The following EPB41L2 variants were observed in gnomAD, a reference collection of about 807,000 sequenced individuals.
EPB41L2 encodes the protein band 4.1-like protein 2.
A neutral mutation model predicts 113.0 loss-of-function variants in EPB41L2; 43 were observed. That is an observed-to-expected ratio of 0.38 (90% CI 0.30 to 0.49). The LOEUF is 0.49. Among genes scored for constraint, EPB41L2 ranks in the 20% least tolerant of loss-of-function variants. The pLI, the probability that EPB41L2 is intolerant of heterozygous loss-of-function variation, is 0.95. For missense variants in EPB41L2, 1,147 were observed against 1,223.4 expected (o/e 0.94, Z 0.93); for synonymous variants, 442 against 436.7 (o/e 1.01, Z -0.15).
intron 1 of EPB41L2, among the ~76,000 whole-genome samples, chr6:130,999,540 T>C (rs1783890208): frequency 6.6e-6 from 1 of 152,206 alleles, no homozygotes; most frequent in African/African-American, 2.4e-5. Context: ...CATGTCGTCT[T>C]TTAAGATTCC....
At chr6:130,955,784 T>C (rs984638957) in intron 2 of EPB41L2, among the ~76,000 whole-genome samples, 1 of 152,176 alleles carries the variant, frequency 6.6e-6, no homozygotes, top group Non-Finnish European at 1.5e-5. Context: ...ACATGAATTT[T>C]TTAGTAATTG....
intron 19 of EPB41L2, among the ~76,000 whole-genome samples, chr6:130,856,690 C>A (rs543004590): frequency 6.6e-6 from 1 of 152,194 alleles, no homozygotes; most frequent in Non-Finnish European, 1.5e-5. Flanking sequence ...GGTTACCTAT[C>A]TATTGACTGT....
At chr6:130,894,596 T>A (rs1794004256) in intron 9 of EPB41L2, among the ~76,000 whole-genome samples, 155 bp from the exon 10 acceptor site, 1 of 152,232 alleles carries the variant, frequency 6.6e-6, no homozygotes, top group African/African-American at 2.4e-5. Flanking sequence ...AAGATGAATT[T>A]CATAGACTGC....
At chr6:131,020,483 C>A (rs887897739) in intron 1 of EPB41L2, among the ~76,000 whole-genome samples, 1 of 152,196 alleles carries the variant, frequency 6.6e-6, no homozygotes. Flanking sequence ...TTTACATCCT[C>A]CTTGACCCAA....
At chr6:131,003,054 C>T (rs1358943571) in intron 1 of EPB41L2, among the ~76,000 whole-genome samples, 4 of 152,110 alleles carry the variant, frequency 2.6e-5, no homozygotes, top group Admixed American at 1.3e-4. Context: ...TTTCACTTTA[C>T]TAAATTTCCT....
intron 1 of EPB41L2, among the ~76,000 whole-genome samples, chr6:131,001,197 T>C (rs536134233): frequency 6.6e-6 from 1 of 152,168 alleles, no homozygotes; most frequent in African/African-American, 2.4e-5. Context: ...TGCTTCTCCA[T>C]GAAGCTCATA....
At chr6:131,034,681 T>C (rs1792936208) in intron 1 of EPB41L2, among the ~76,000 whole-genome samples, 1 of 152,224 alleles carries the variant, frequency 6.6e-6, no homozygotes, top group Non-Finnish European at 1.5e-5. Context: ...ATGTCACTTA[T>C]CCTCGCTTTC....
At chr6:130,929,902 C>CACACAAACAT in intron 3 of EPB41L2, among the ~76,000 whole-genome samples, 1 of 148,524 alleles carries the variant, frequency 6.7e-6, no homozygotes, top group African/African-American at 2.5e-5. Flanking sequence ...CACACATACA[C>CACACAAACAT]GCACAGTCAT....
rs73774102 is a variant in EPB41L2 at position 130,841,891 on chromosome 6, T to A, written c.*6-1293A>T. ...CACAGAGTCTTGCAGAAGTCCACAA[T>A]CAAAGGTAAGTGGAGAAGACTTTTT... On this transcript the variant is annotated intron_variant, in intron 19 of 19. Coordinates refer to ENST00000337057, the MANE Select transcript of EPB41L2 (RefSeq NM_001431.4). Among the ~76,000 whole-genome samples the A allele has an allele frequency of 4.1e-3, 625 of 152,258 alleles. 6 individuals are homozygous for A. The highest frequency in any genetic ancestry group is 0.014 in the African/African-American group (598 of 41,532).
intron 1 of EPB41L2, among the ~76,000 whole-genome samples, chr6:130,958,993 T>A (rs1818450593): frequency 6.6e-6 from 1 of 152,136 alleles, no homozygotes; most frequent in Non-Finnish European, 1.5e-5. Flanking sequence ...TGATCTCTGG[T>A]TGATCCAGAC....
At chr6:130,874,983 T>C (rs894907293) in intron 14 of EPB41L2, among the ~76,000 whole-genome samples, 7 of 152,306 alleles carry the variant, frequency 4.6e-5, no homozygotes, top group African/African-American at 1.7e-4. Context: ...GATATTAAAG[T>C]CCTCATTATA....
chr6:130,935,689 T>C (rs60039283), intron 3 of EPB41L2, among the ~76,000 whole-genome samples: 3,702 of 152,268 alleles, frequency 0.024, 143 homozygotes, highest in African/African-American at 0.084. Flanking sequence ...CCTTTTAATA[T>C]CTCATTCATA....
chr6:130,894,930 C>T (rs142003148), intron 9 of EPB41L2, 37 bp downstream of exon 9: 329 of 1,566,332 alleles, frequency 2.1e-4, no homozygotes, highest in Non-Finnish European at 2.2e-4. Context: ...GTAAACAGGC[C>T]GACTAACAAC....
Position 130,981,914 on chromosome 6 carries a change from T to G in EPB41L2, c.-14-25415A>C, listed in dbSNP as rs560674578. Among the ~76,000 whole-genome samples, 6 of 152,294 alleles carry G rather than the reference T, an allele frequency of 3.9e-5. No homozygotes were observed. The East Asian group carries it at 1.2e-3, about 29-fold the overall frequency. On this transcript the variant is annotated intron_variant, in intron 1 of 19. Coordinates refer to ENST00000337057, the MANE Select transcript of EPB41L2 (RefSeq NM_001431.4). Reference sequence around the variant, plus strand: ...TAAAATATATAAAGATATACATTTTTAAAATTACTATTTATCACCATCACC... The same window carrying G: ...TAAAATATATAAAGATATACATTTTGAAAATTACTATTTATCACCATCACC...
At chr6:130,956,693 C>T (rs1469238303) in intron 1 of EPB41L2, among the ~76,000 whole-genome samples, 194 bp from the exon 2 acceptor site, 1 of 152,190 alleles carries the variant, frequency 6.6e-6, no homozygotes, top group African/African-American at 2.4e-5. Flanking sequence ...TCTCTATCAG[C>T]ATCACAGACC....
At chr6:130,889,679 A>C (rs1050897897) in intron 11 of EPB41L2, among the ~76,000 whole-genome samples, 3 of 152,174 alleles carry the variant, frequency 2.0e-5, no homozygotes, top group African/African-American at 7.2e-5. Flanking sequence ...ATACGAAAAA[A>C]TCCTTAGAAT....
At chr6:131,049,373 T>A (rs75143962) in intron 1 of EPB41L2, among the ~76,000 whole-genome samples, 4,896 of 152,326 alleles carry the variant, frequency 0.032, 250 homozygotes, top group African/African-American at 0.11. Flanking sequence ...CCCAACTCAG[T>A]ACTTGACATT....
At chr6:131,042,481 T>C (rs1343793640) in intron 1 of EPB41L2, among the ~76,000 whole-genome samples, 1 of 152,192 alleles carries the variant, frequency 6.6e-6, no homozygotes, top group Admixed American at 6.5e-5. Flanking sequence ...TGGATGGTAT[T>C]ATTCTGCCCT....
intron 1 of EPB41L2, among the ~76,000 whole-genome samples, chr6:131,051,614 G>A (rs184357972): frequency 5.3e-5 from 8 of 152,198 alleles, no homozygotes; most frequent in East Asian, 1.9e-4. Context: ...TTTTGGTGGG[G>A]GGCCTACGAG....
Sources: allele counts gnomAD v4.1 joint callset (sites outside exome capture counted in the v4.1 genomes callset), GRCh38; gene constraint gnomAD v4.1.1; transcripts MANE v1.5; gene names NCBI Gene and HGNC (gene_info 2026-07-23, HGNC 2026-07-21).